Variants in GPHN observed in about 807,000 individuals in gnomAD.
The protein encoded by GPHN is gephyrin.
Under a neutral mutation model 95.5 loss-of-function variants are expected in GPHN, and 17 were observed. The observed-to-expected ratio is 0.18, with a 90% CI of 0.12 to 0.27. The LOEUF (loss-of-function observed/expected upper bound fraction) is 0.27. Among genes scored for constraint, GPHN ranks in the 10% least tolerant of loss-of-function variants. GPHN has a pLI of 1.00. For missense variants in GPHN, 660 were observed against 978.1 expected (o/e 0.67, Z 4.34); for synonymous variants, 320 against 322.5 (o/e 0.99, Z 0.08).
At chr14:67,248,443 T>A in the GPHN span, among the ~76,000 whole-genome samples, 1 of 152,232 alleles carries the variant, frequency 6.6e-6, no homozygotes. Context: ...AACAGTTACC[T>A]ACCTACATTT....
At chr14:66,819,530 G>A (rs549606702) in intron 3 of GPHN, among the ~76,000 whole-genome samples, 258 of 152,134 alleles carry the variant, frequency 1.7e-3, no homozygotes, top group African/African-American at 5.9e-3. Context: ...GTCTTTTTGT[G>A]CCAATATCAT....
the GPHN span, among the ~76,000 whole-genome samples, chr14:67,543,992 G>A: frequency 2.0e-5 from 3 of 152,172 alleles, no homozygotes; most frequent in African/African-American, 4.8e-5. Context: ...AAGGTTTGAA[G>A]TTAGAGTTTT....
chr14:67,093,372 T>G (rs577849015), intron 12 of GPHN, among the ~76,000 whole-genome samples: 21 of 152,130 alleles, frequency 1.4e-4, no homozygotes, highest in Non-Finnish European at 2.8e-4. Flanking sequence ...CCACAGCCAT[T>G]GTGACTTAGA....
At chr14:67,633,727 C>T in the GPHN span, among the ~76,000 whole-genome samples, 10 of 152,186 alleles carry the variant, frequency 6.6e-5, no homozygotes, top group Non-Finnish European at 8.8e-5. Context: ...GGCCTTGCCC[C>T]GGCTCCTGCC....
intron 1 of GPHN, among the ~76,000 whole-genome samples, chr14:66,574,762 G>A (rs1566629286): frequency 6.6e-6 from 1 of 152,186 alleles, no homozygotes; most frequent in Non-Finnish European, 1.5e-5. Flanking sequence ...CCATGGGCTG[G>A]TAGAGAACAA....
the GPHN span, among the ~76,000 whole-genome samples, chr14:67,321,962 G>A: frequency 2.3e-3 from 354 of 152,250 alleles, 1 homozygote; most frequent in Middle Eastern, 3.4e-3. Context: ...AAATGCCATT[G>A]TTCAAATATT....
At chr14:66,949,161 C>T (rs767862135) in intron 8 of GPHN, among the ~76,000 whole-genome samples, 21 of 152,198 alleles carry the variant, frequency 1.4e-4, no homozygotes, top group South Asian at 2.1e-4. Context: ...TCTCACCTCA[C>T]GCAACTTTCA....
chr14:67,623,230 T>C, the GPHN span, among the ~76,000 whole-genome samples: 5 of 152,284 alleles, frequency 3.3e-5, no homozygotes, highest in Admixed American at 1.3e-4. Context: ...CTGGAATATA[T>C]TGGAGAAAAG....
At chr14:67,573,736 G>A in the GPHN span, 1 of 1,024,222 alleles carries the variant, frequency 9.8e-7, no homozygotes, top group Non-Finnish European at 1.6e-6. This position sits in a 1 kb window ranked among gnomAD's most constrained non-coding sequence, Gnocchi z 4.8. Flanking sequence ...AGATCTGAGG[G>A]TAAATGAGGT....
intron 16 of GPHN, among the ~76,000 whole-genome samples, chr14:67,118,114 G>A (rs550604027): frequency 1.3e-5 from 2 of 152,178 alleles, no homozygotes; most frequent in African/African-American, 4.8e-5. Context: ...TTCTTACCTG[G>A]GACCTCTATA....
At chr14:67,648,233 T>C in the GPHN span, 1 of 1,561,594 alleles carries the variant, frequency 6.4e-7, no homozygotes, top group Non-Finnish European at 8.7e-7. Flanking sequence ...GTAAATATGC[T>C]AGAGTCTCTT....
chr14:67,131,757 A>C (rs1339306991), intron 17 of GPHN, among the ~76,000 whole-genome samples: 1 of 152,192 alleles, frequency 6.6e-6, no homozygotes, highest in Non-Finnish European at 1.5e-5. Context: ...CTTGAATATA[A>C]CAAGCGGTAA....
chr14:67,391,819 A>C, the GPHN span, among the ~76,000 whole-genome samples: 6 of 152,208 alleles, frequency 3.9e-5, no homozygotes, highest in Non-Finnish European at 7.3e-5. Context: ...AGTAGTGGCC[A>C]TGGCCAGGCT....
At chr14:67,394,797 A>G in the GPHN span, among the ~76,000 whole-genome samples, 3 of 152,190 alleles carry the variant, frequency 2.0e-5, no homozygotes, top group South Asian at 6.2e-4. Flanking sequence ...GCCCTTGTGA[A>G]TGGATTAATG....
chr14:67,175,502 C>G (rs1448831144), intron 21 of GPHN, among the ~76,000 whole-genome samples: 1 of 152,084 alleles, frequency 6.6e-6, no homozygotes, highest in Non-Finnish European at 1.5e-5. Context: ...AGTTTGCAGT[C>G]AGGTAGCGTG....
chr14:66,858,480 A>T (rs1032446857), intron 4 of GPHN, among the ~76,000 whole-genome samples: 1 of 151,438 alleles, frequency 6.6e-6, no homozygotes, highest in Non-Finnish European at 1.5e-5. Flanking sequence ...TCAACTTTTG[A>T]CTAAAGAGAC....
chr14:66,953,917 C>T (rs567501282), intron 8 of GPHN, among the ~76,000 whole-genome samples: 12 of 152,172 alleles, frequency 7.9e-5, no homozygotes, highest in Non-Finnish European at 1.8e-4. Context: ...TGCCTGTAAT[C>T]CCAGCTACTT....
chr14:66,983,439 C>T (rs2070813021), intron 9 of GPHN, among the ~76,000 whole-genome samples: 1 of 152,124 alleles, frequency 6.6e-6, no homozygotes, highest in South Asian at 2.1e-4. Flanking sequence ...CAAATTCTTT[C>T]TGAAGTTTTT....
chr14:67,179,220 A>T (rs566576542), intron 21 of GPHN, among the ~76,000 whole-genome samples: 34 of 151,528 alleles, frequency 2.2e-4, no homozygotes, highest in African/African-American at 8.0e-4. Context: ...TGCCATCTCT[A>T]AAAATAAAAA....
Sources: allele counts gnomAD v4.1 joint callset (sites outside exome capture counted in the v4.1 genomes callset), GRCh38; gene constraint gnomAD v4.1.1; non-coding constraint Gnocchi (gnomAD v3.1); transcripts MANE v1.5; gene names NCBI Gene and HGNC (gene_info 2026-07-23, HGNC 2026-07-21).